The following DENND3 variants were observed in gnomAD, a reference collection of about 807,000 sequenced individuals.
DENND3 encodes DENN domain containing 3.
In DENND3, 88 loss-of-function variants were observed where a neutral mutation model predicts 135.1. That is an observed-to-expected ratio of 0.65 (90% CI 0.55 to 0.78). The LOEUF is 0.78. DENND3 is among the 30% of genes least tolerant of loss of function. DENND3 has a pLI of 0.00. For synonymous variants in DENND3, 693 were observed against 712.3 expected (o/e 0.97, Z 0.43); for missense variants, 1,392 against 1,688.4 (o/e 0.82, Z 3.08).
At position 141,130,031 on chromosome 8, in the gene DENND3, T is replaced by A. The variant is rs182252556; in HGVS notation, c.102+1222T>A. On this transcript the variant is annotated intron_variant, in intron 1 of 22. Transcript: ENST00000519811. The surrounding 1 kb of genome is among the most constrained non-coding windows in gnomAD (Gnocchi z 4.2). ...ATTGATTTGTCTCCCTACCTCGAAT[T>A]TGCCAGATGGCATCTCCTCCTTTTT... The A allele has an allele frequency of 3.3e-5, 5 of 152,366 alleles. No homozygotes were observed. In the East Asian group the frequency reaches 9.6e-4, roughly 29 times the overall value. The allele number at this position is 152,366 out of a possible 1,614,324, so 9.4% of individuals were successfully genotyped here.
chr8:141,175,128 C>T lies in DENND3; in HGVS notation c.2276-72C>T. On this transcript the variant is annotated intron_variant, in intron 13 of 22. Transcript: ENST00000519811. The surrounding 1 kb of genome is among the most constrained non-coding windows in gnomAD (Gnocchi z 5.4). ...CCGGTAGTGTGCGGTTTCTTCAGGT[C>T]ATGGAGAAGCCCTTGGGGCTCCCGA... 1 of 1,525,044 alleles carries T rather than the reference C, an allele frequency of 6.6e-7. No individual in the cohort carries two copies. Among genetic ancestry groups the T allele is most frequent in the Non-Finnish European group, 8.8e-7 (1 of 1,138,102 alleles). The allele number at this position is 1,525,044 out of a possible 1,614,324, so 94.5% of individuals were successfully genotyped here.
Position 141,167,058 on chromosome 8 carries a change from C to G in DENND3, c.1753+669C>G, listed in dbSNP as rs59859352. Among the ~76,000 whole-genome samples the G allele has an allele frequency of 0.014, 2,111 of 152,298 alleles. 53 individuals carry two copies. The highest frequency in any genetic ancestry group is 0.049 in the African/African-American group (2,035 of 41,540). On this transcript the variant is annotated intron_variant, in intron 12 of 22. Transcript: ENST00000519811. The surrounding 1 kb of genome is among the most constrained non-coding windows in gnomAD (Gnocchi z 4.1). ...GCTCCTCCTGATCACTGTGCTGGGA[C>G]CCCAGGAGCTGCACGAGTGACACCT...
intron 18 of DENND3, among the ~76,000 whole-genome samples, chr8:141,185,992 G>C (rs1823844426): frequency 6.6e-6 from 1 of 151,336 alleles, no homozygotes; most frequent in African/African-American, 2.4e-5. Flanking sequence ...GCCCAGGCTG[G>C]AGTGCAGTGG....
At chr8:141,160,982 AT>A (rs1477382140) in intron 9 of DENND3, among the ~76,000 whole-genome samples, 195 bp downstream of exon 9, 1 of 152,166 alleles carries the variant, frequency 6.6e-6, no homozygotes, top group Non-Finnish European at 1.5e-5. Flanking sequence ...TGTTCTTTTG[AT>A]TCTGACCTTG....
chr8:141,170,653 G>C (rs973967582), intron 13 of DENND3, among the ~76,000 whole-genome samples: 1 of 152,216 alleles, frequency 6.6e-6, no homozygotes, highest in South Asian at 2.1e-4. Flanking sequence ...CAGCCAGGCA[G>C]GGCGGGGTGG....
Position 141,194,368 on chromosome 8 carries a change from T to C in DENND3, c.*135T>C. ...GGCTCAGCATGGAGCCCACTTACCG[T>C]GTGGCCAGCCGCGAGACCCATGGCC... On this transcript the variant is annotated 3_prime_UTR_variant, in exon 23 of 23. Transcript: ENST00000519811. The C allele has an allele frequency of 9.1e-7, 1 of 1,100,908 alleles. No individual in the cohort carries two copies. The highest frequency in any genetic ancestry group is 1.3e-6 in the Non-Finnish European group (1 of 776,900). The allele number at this position is 1,100,908 out of a possible 1,614,324, so 68.2% of individuals were successfully genotyped here.
intron 18 of DENND3, among the ~76,000 whole-genome samples, chr8:141,187,259 ATT>A (rs34600380): frequency 0.15 from 21,060 of 144,310 alleles, 1,575 homozygotes; most frequent in South Asian, 0.25. Flanking sequence ...GGCTGGTACC[ATT>A]TTTTTTTTTT....
In DENND3 at chr8:141,175,579, C is replaced by A; in HGVS notation, c.2535+120C>A. 6.8e-7 allele frequency: 1 copy of A among 1,476,772 alleles called. No homozygotes were observed. Among genetic ancestry groups the A allele is most frequent in the Non-Finnish European group, 9.3e-7 (1 of 1,070,200 alleles). 91.5% of individuals were successfully genotyped at this position (1,476,772 alleles called of 1,614,324 possible). A position where few individuals can be genotyped will look rare whatever the true frequency, so the allele number is the denominator to read the frequency against. ...GTACCAGCTGCAGCCCTTCTGCAGA[C>A]CGAATGCCTTCCTGTCCCTCAGTTT... On this transcript the variant is annotated intron_variant, in intron 14 of 22. Coordinates refer to ENST00000519811, the MANE Select transcript of DENND3 (RefSeq NM_001352890.3). The surrounding 1 kb of genome is among the most constrained non-coding windows in gnomAD (Gnocchi z 5.4).
intron 7 of DENND3, among the ~76,000 whole-genome samples, chr8:141,153,158 A>C (rs530149828): frequency 2.2e-5 from 3 of 139,138 alleles, no homozygotes; most frequent in African/African-American, 8.4e-5. Context: ...CAATGGCGTG[A>C]TCTCGGCTCA....
intron 8 of DENND3, among the ~76,000 whole-genome samples, chr8:141,159,474 C>T (rs1819869973): frequency 6.6e-6 from 1 of 152,244 alleles, no homozygotes; most frequent in Non-Finnish European, 1.5e-5. Flanking sequence ...TCTGCCCGCT[C>T]AGTCTGACTG....
chr8:141,180,538 A>C (rs1049757388), intron 16 of DENND3, among the ~76,000 whole-genome samples: 1 of 152,020 alleles, frequency 6.6e-6, no homozygotes, highest in Non-Finnish European at 1.5e-5. Flanking sequence ...CTGGCCACTC[A>C]CTCGCACACC....
chr8:141,153,322 G>C (rs899976936), intron 7 of DENND3, among the ~76,000 whole-genome samples: 3 of 152,082 alleles, frequency 2.0e-5, no homozygotes, highest in African/African-American at 4.8e-5. Flanking sequence ...TCAAATTCCT[G>C]GCCTCAAGTG....
intron 18 of DENND3, among the ~76,000 whole-genome samples, chr8:141,186,667 G>GATA (rs1388457691): frequency 6.6e-6 from 1 of 152,202 alleles, no homozygotes; most frequent in Admixed American, 6.5e-5. Context: ...AATTGTTTCT[G>GATA]ATAATTTTAA....
chr8:141,187,831 A>G (rs563210782), intron 18 of DENND3, among the ~76,000 whole-genome samples: 2 of 152,362 alleles, frequency 1.3e-5, no homozygotes, highest in Admixed American at 6.5e-5. Context: ...AAACAACAAA[A>G]AAAGGAAAAA....
intron 5 of DENND3, among the ~76,000 whole-genome samples, chr8:141,145,070 A>G (rs1817879970): frequency 6.6e-6 from 1 of 152,220 alleles, no homozygotes. Flanking sequence ...CCTTTGCCAG[A>G]TCTAGGAGAG....
rs977931638 is a variant in DENND3 at position 141,139,903 on chromosome 8, G to A, written c.502-1300G>A. Among the ~76,000 whole-genome samples, 3 of 144,520 alleles carry A rather than the reference G, an allele frequency of 2.1e-5. No individual in the cohort carries two copies. Among genetic ancestry groups the A allele is most frequent in the Non-Finnish European group, 4.5e-5 (3 of 65,958 alleles). The allele number at this position is 144,520 out of a possible 152,430, so 94.8% of individuals were successfully genotyped here. On this transcript the variant is annotated intron_variant, in intron 3 of 22. Coordinates refer to ENST00000519811, the MANE Select transcript of DENND3 (RefSeq NM_001352890.3). The surrounding 1 kb of genome is among the most constrained non-coding windows in gnomAD (Gnocchi z 4.2). ...GTATCCGGATGACGCTATATCTATC[G>A]TTTTTTTCTTTCTTTTTTTTTTTTG...
intron 10 of DENND3, 100 bp downstream of exon 10, chr8:141,163,529 C>A: frequency 2.5e-6 from 2 of 787,858 alleles, no homozygotes; most frequent in Admixed American, 2.9e-5. Context: ...AGTGTATCAA[C>A]TTTTCCAAAA....
At chr8:141,171,797 G>A (rs1461770741) in intron 13 of DENND3, among the ~76,000 whole-genome samples, 3 of 151,646 alleles carry the variant, frequency 2.0e-5, no homozygotes, top group East Asian at 1.9e-4. Flanking sequence ...GGGTGTGCAC[G>A]GTGCTGGGCG....
At position 141,136,728 on chromosome 8, in the gene DENND3, C is replaced by G; in HGVS notation, c.322C>G (p.Pro108Ala). 1.2e-6 allele frequency: 2 copies of G among 1,609,514 alleles called. No homozygotes were observed. Among genetic ancestry groups the G allele is most frequent in the Non-Finnish European group, 1.7e-6 (2 of 1,178,228 alleles). ...GLPGPPRAPE[P>A]EDVAVPGGVD... is the part of the protein sequence containing the mutation. ...CCCGGGGCCCCCCAGAGCGCCAGAGCCTGAGGATGTCGCCGTCCCGGGCGG... is the reference window on the plus strand; with the variant it reads ...CCCGGGGCCCCCCAGAGCGCCAGAGGCTGAGGATGTCGCCGTCCCGGGCGG... The change falls in exon 2 of 23, where the codon CCT (proline) becomes GCT (alanine). Residue 108 changes from proline (P) to alanine (A), a missense_variant. Physicochemically the swap from Pro to Ala is conservative, Grantham distance 27. Coordinates refer to ENST00000519811, the MANE Select transcript of DENND3 (RefSeq NM_001352890.3).
Sources: gnomAD v4.1 joint callset for allele counts (sites outside exome capture counted in the v4.1 genomes callset) on GRCh38, gnomAD v4.1.1 for gene constraint, Gnocchi (gnomAD v3.1) non-coding constraint, MANE v1.5 for transcripts, NCBI Gene and HGNC (gene_info 2026-07-23, HGNC 2026-07-21) for gene names.